UBE2V1: variants seen among roughly 807,000 people sequenced by gnomAD.
UBE2V1 encodes ubiquitin-conjugating enzyme E2 variant 1.
A neutral mutation model predicts 19.6 loss-of-function variants in UBE2V1; 15 were observed. That is an observed-to-expected ratio of 0.77 (90% confidence interval 0.51 to 1.18). The LOEUF (loss-of-function observed/expected upper bound fraction) is 1.18. UBE2V1 is among the 50% of genes most tolerant of loss of function. UBE2V1 has a pLI of 0.00. For missense variants in UBE2V1, 125 were observed against 184.8 expected (o/e 0.68, Z 1.88); for synonymous variants, 60 against 60.7 (o/e 0.99, Z 0.05).
At chr20:50,096,961 T>C (rs2147091930) in intron 1 of UBE2V1, 141 bp from the exon 2 acceptor site, 4 of 1,361,674 alleles carry the variant, frequency 2.9e-6, no homozygotes, top group Non-Finnish European at 3.9e-6. Flanking sequence ...CACCTCAAAC[T>C]TGCTACTTAT....
chr20:50,102,156 T>G (rs1326862474), intron 1 of UBE2V1, among the ~76,000 whole-genome samples: 1 of 152,094 alleles, frequency 6.6e-6, no homozygotes, highest in African/African-American at 2.4e-5. Flanking sequence ...GCATCAAACT[T>G]CTTATAGGCC....
chr20:50,109,094 C>T (rs1048943913), intron 1 of UBE2V1: 2 of 985,366 alleles, frequency 2.0e-6, no homozygotes, highest in Non-Finnish European at 2.4e-6. Flanking sequence ...TGGATACTGC[C>T]CCTGGCTGGT....
At chr20:50,111,286 C>T in intron 1 of UBE2V1, 1 of 987,828 alleles carries the variant, frequency 1.0e-6, no homozygotes, top group Non-Finnish European at 1.2e-6. Context: ...ATGAAGCACT[C>T]ACTTTTTAAC....
At chr20:50,101,993 G>A (rs1200517177) in intron 1 of UBE2V1, among the ~76,000 whole-genome samples, 2 of 152,112 alleles carry the variant, frequency 1.3e-5, no homozygotes, top group African/African-American at 2.4e-5. Flanking sequence ...AAGGGTAATC[G>A]GGGGGAGCTG....
At chr20:50,115,576 C>A (rs1279267890), upstream of UBE2V1, 2 of 1,542,150 alleles carry the variant, frequency 1.3e-6, no homozygotes, top group Admixed American at 3.8e-5. Flanking sequence ...CTCCTGGCAT[C>A]AGTTTCCCCT....
At position 50,096,830 on chromosome 20, in the gene UBE2V1, A is replaced by G; in HGVS notation, c.23-10T>C. The G allele has an allele frequency of 1.9e-6, 3 of 1,613,644 alleles. No individual in the cohort carries two copies. The highest frequency in any genetic ancestry group is 2.5e-6 in the Non-Finnish European group (3 of 1,179,748). ...CGAGGGACTTTTACTCCTAAAATAAATGGAAAGAAATTCAAGATACCAGCA... is the reference window on the plus strand; with the variant it reads ...CGAGGGACTTTTACTCCTAAAATAAGTGGAAAGAAATTCAAGATACCAGCA... On this transcript the variant is annotated splice_polypyrimidine_tract_variant and intron_variant, in intron 1 of 3. Coordinates refer to ENST00000371674, the MANE Select transcript of UBE2V1 (RefSeq NM_001032288.3).
intron 2 of UBE2V1, chr20:50,084,726 C>T (rs1568967748): frequency 5.4e-5 from 20 of 369,418 alleles, no homozygotes; most frequent in Non-Finnish European, 6.4e-5. Context: ...GGGGTGCAGA[C>T]TCAGAGCTGC....
chr20:50,097,448 C>T (rs527491692), intron 1 of UBE2V1, among the ~76,000 whole-genome samples: 1 of 152,294 alleles, frequency 6.6e-6, no homozygotes, highest in Non-Finnish European at 1.5e-5. Context: ...TGGCAAGTAG[C>T]TCTTGAAAGC....
chr20:50,107,533 A>AG lies in UBE2V1; in HGVS notation c.22+5573dup, dbSNP rs749234004. On this transcript the variant is annotated intron_variant, in intron 1 of 3. Transcript: ENST00000371674. ...TGAGTCAGGACAACTGGAGAAGGGG[A>AG]GGATGGTTAATTCTACGATCAAGTA... 1.2e-3 allele frequency among the ~76,000 whole-genome samples: 185 copies of AG among 152,318 alleles called. 1 individual carries two copies. The highest frequency in any genetic ancestry group is 1.1e-3 in the Non-Finnish European group (72 of 68,024).
At position 50,112,965 on chromosome 20, in the gene UBE2V1, G is replaced by A. The variant is rs1298972381; in HGVS notation, c.22+142C>T. 2.3e-5 allele frequency: 9 copies of A among 393,894 alleles called. No homozygotes were observed. The Admixed American group carries it at 2.3e-4, about 10-fold the overall frequency. 24.4% of individuals were successfully genotyped at this position (393,894 alleles called of 1,614,324 possible). On this transcript the variant is annotated intron_variant, in intron 1 of 3. Transcript: ENST00000371674. ...CGCCTGCTCCTCCTCCCCCGGTCAG[G>A]CCGCGCCGGTGGCTGCCGCGGAGCC... is the stretch of plus-strand genomic sequence containing the variant.
rs569379417 is a variant in UBE2V1 at position 50,090,958 on chromosome 20, A to C, written c.171+5714T>G. Among the ~76,000 whole-genome samples the C allele has an allele frequency of 4.8e-4, 73 of 152,314 alleles. 1 individual carries two copies. The highest frequency in any genetic ancestry group is 1.8e-3 in the African/African-American group (73 of 41,570). On this transcript the variant is annotated intron_variant, in intron 2 of 3. Transcript: ENST00000371674. ...ACATCTCAATAAAGCTGGGAAAAAA[A>C]TTAGCTGGTATGATTTCTCTTTTCC...
upstream of UBE2V1, chr20:50,115,597 T>G: frequency 3.4e-6 from 5 of 1,490,528 alleles, no homozygotes; most frequent in Non-Finnish European, 4.5e-6. Flanking sequence ...TCTATGAGGA[T>G]AGTAGTATCA....
chr20:50,115,834 T>A (rs1033977929), upstream of UBE2V1: 1 of 348,110 alleles, frequency 2.9e-6, no homozygotes, highest in Non-Finnish European at 5.1e-6. Flanking sequence ...ACAAGCCTTT[T>A]ATCTATGGTG....
At chr20:50,111,304 G>A (rs1394791185) in intron 1 of UBE2V1, 2 of 990,254 alleles carry the variant, frequency 2.0e-6, no homozygotes, top group African/African-American at 3.5e-5. Flanking sequence ...AACTGTCAGG[G>A]TCTGGAGAAG....
chr20:50,107,116 G>GTA (rs943225135), intron 1 of UBE2V1, among the ~76,000 whole-genome samples: 1 of 152,200 alleles, frequency 6.6e-6, no homozygotes, highest in Non-Finnish European at 1.5e-5. Flanking sequence ...CCGCCCAAGT[G>GTA]TAGTCTGGCT....
At chr20:50,089,057 C>T (rs915072709) in intron 2 of UBE2V1, among the ~76,000 whole-genome samples, 4 of 152,092 alleles carry the variant, frequency 2.6e-5, no homozygotes, top group African/African-American at 9.7e-5. Flanking sequence ...AAAGACTCCA[C>T]ACTAGGTTTT....
chr20:50,088,804 A>T (rs2079066376), intron 2 of UBE2V1, among the ~76,000 whole-genome samples: 1 of 146,432 alleles, frequency 6.8e-6, no homozygotes, highest in Non-Finnish European at 1.5e-5. Context: ...AAAAAAAAGT[A>T]TGAGATATGA....
chr20:50,107,332 A>G (rs1385786292), intron 1 of UBE2V1, among the ~76,000 whole-genome samples: 1 of 152,198 alleles, frequency 6.6e-6, no homozygotes, highest in Non-Finnish European at 1.5e-5. Context: ...TTTGAGATCC[A>G]TTGCTCTAGG....
chr20:50,098,918 C>A (rs1357638968), intron 1 of UBE2V1: 3 of 985,308 alleles, frequency 3.0e-6, no homozygotes, highest in Non-Finnish European at 3.6e-6. Flanking sequence ...GCATTTTCAT[C>A]TGCACAGCAG....
Sources: allele counts gnomAD v4.1 joint callset (sites outside exome capture counted in the v4.1 genomes callset), GRCh38; gene constraint gnomAD v4.1.1; transcripts MANE v1.5; gene names NCBI Gene and HGNC (gene_info 2026-07-23, HGNC 2026-07-21).